The following PJA2 variants were observed in gnomAD, a reference collection of about 807,000 sequenced individuals.
The protein encoded by PJA2 is praja ring finger ubiquitin ligase 2.
Under a neutral mutation model 69.3 loss-of-function variants are expected in PJA2, and 25 were observed. The ratio of observed to expected loss-of-function variants is 0.36; its 90% CI spans 0.26 to 0.50. PJA2 has a LOEUF of 0.50. Among genes scored for constraint, PJA2 ranks in the 20% least tolerant of loss-of-function variants. The probability of loss-of-function intolerance (pLI) is 0.96; values close to 1 mark genes in which losing one functional copy is unlikely to be tolerated. For missense variants in PJA2, 809 were observed against 830.2 expected (o/e 0.97, Z 0.31); for synonymous variants, 308 against 277.8 (o/e 1.11, Z -1.08).
In PJA2 at chr5:109,375,969, T is replaced by C. The variant is rs370153796; in HGVS notation, c.1283+2235A>G. 3.5e-4 allele frequency among the ~76,000 whole-genome samples: 53 copies of C among 152,320 alleles called. 1 individual carries two copies. The South Asian group carries it at 5.0e-3, about 14-fold the overall frequency. On this transcript the variant is annotated intron_variant, in intron 4 of 9. Coordinates refer to ENST00000361189, the MANE Select transcript of PJA2 (RefSeq NM_014819.5). The stretch of plus-strand genomic sequence containing the variant: ...AAATAGAATAATCTGTACAGAAAAC[T>C]GTACAGACACTTTGAGATCGTAAAA...
Position 109,378,621 on chromosome 5 carries a change from C to T in PJA2, c.866G>A (p.Gly289Asp), listed in dbSNP as rs866537162. ...TEHSPEDAAC[G>D]PGHICSEQNT... ...TTGTTCACTACAAATATGCCCTGGA[C>T]CACAGGCTGCATCTTCAGGTGAATG... Residue 289 changes from glycine to aspartate, a missense_variant, in exon 4 of 10, where the codon GGT becomes GAT. This residue lies in a region of PJA2 where 700 missense variants were observed against 639.5 expected (regional missense o/e 1.09). Coordinates refer to ENST00000361189, the MANE Select transcript of PJA2 (RefSeq NM_014819.5). The T allele has an allele frequency of 1.9e-6, 3 of 1,614,046 alleles. No individual in the cohort carries two copies. The African/African-American group carries it at 4.0e-5, about 22-fold the overall frequency.
At chr5:109,388,343 G>T (rs1747205114) in intron 1 of PJA2, among the ~76,000 whole-genome samples, 1 of 152,158 alleles carries the variant, frequency 6.6e-6, no homozygotes, top group African/African-American at 2.4e-5. Context: ...GATGACTGCA[G>T]TCCCAGCCTA....
intron 7 of PJA2, among the ~76,000 whole-genome samples, chr5:109,354,490 CTATAATATCATAGATATCTATATCGAT>C (rs1762369714): frequency 8.6e-6 from 1 of 116,492 alleles, no homozygotes. Context: ...GATTAGATAT[CTATAATATCATAGATATCTATATCGAT>C]ATTAGATATC....
intron 9 of PJA2, 48 bp from the exon 10 acceptor site, chr5:109,337,404 C>T (rs746413430): frequency 2.6e-6 from 4 of 1,524,246 alleles, no homozygotes; most frequent in Admixed American, 4.4e-5. Context: ...TCTTAACTGC[C>T]ACACAAGTAA....
intron 9 of PJA2, among the ~76,000 whole-genome samples, chr5:109,342,719 C>A (rs1391016408): frequency 7.5e-6 from 1 of 133,356 alleles, no homozygotes; most frequent in Non-Finnish European, 1.6e-5. Flanking sequence ...TCAGCCCCCC[C>A]GCCCGGCCAG....
At chr5:109,394,825 A>G (rs902576689) in intron 1 of PJA2, among the ~76,000 whole-genome samples, 2 of 152,226 alleles carry the variant, frequency 1.3e-5, no homozygotes, top group Admixed American at 6.5e-5. Context: ...CAACTTCTCA[A>G]TTTCTGTTTC....
chr5:109,403,493 G>A, intron 1 of PJA2, among the ~76,000 whole-genome samples: 1 of 149,476 alleles, frequency 6.7e-6, no homozygotes. Flanking sequence ...AAAAATATAA[G>A]AAACACTTTG....
chr5:109,345,691 GGCTACTAGAA>G (rs1056684983), intron 7 of PJA2, among the ~76,000 whole-genome samples: 2 of 152,062 alleles, frequency 1.3e-5, no homozygotes, highest in Non-Finnish European at 2.9e-5. Flanking sequence ...ATGTGGCTGA[GGCTACTAGAA>G]GCTCCAGGTA....
chr5:109,384,193 T>A (rs1424851445), intron 1 of PJA2, among the ~76,000 whole-genome samples: 2 of 152,202 alleles, frequency 1.3e-5, no homozygotes, highest in African/African-American at 2.4e-5. Flanking sequence ...TGCTTCTCTG[T>A]CAAGCAGTAA....
intron 2 of PJA2, 61 bp downstream of exon 2, chr5:109,383,342 C>T (rs1468698039): frequency 4.0e-6 from 6 of 1,482,648 alleles, no homozygotes; most frequent in African/African-American, 1.4e-5. Flanking sequence ...CTTACTGGTA[C>T]TCAAGGTACC....
chr5:109,407,966 T>G (rs1313895156), intron 1 of PJA2, among the ~76,000 whole-genome samples: 2 of 152,162 alleles, frequency 1.3e-5, no homozygotes, highest in Non-Finnish European at 2.9e-5. Flanking sequence ...TAGCTAAGGA[T>G]TTTTAGTTCA....
chr5:109,381,360 A>G, intron 3 of PJA2, 143 bp downstream of exon 3: 1 of 622,792 alleles, frequency 1.6e-6, no homozygotes, highest in South Asian at 2.2e-5. Context: ...TAAATTCAAT[A>G]AGAATTTCAA....
chr5:109,382,382 T>G (rs1222744123), intron 2 of PJA2, among the ~76,000 whole-genome samples: 1 of 152,218 alleles, frequency 6.6e-6, no homozygotes, highest in Non-Finnish European at 1.5e-5. Flanking sequence ...ACAATTAAGT[T>G]TTGTTGACTG....
intron 6 of PJA2, among the ~76,000 whole-genome samples, chr5:109,359,831 A>G (rs1037908501): frequency 4.6e-5 from 7 of 152,362 alleles, no homozygotes; most frequent in Admixed American, 6.5e-5. Context: ...TTGTATCAGC[A>G]TTAATTTGCT....
chr5:109,396,000 CAA>C (rs368922382), intron 1 of PJA2, among the ~76,000 whole-genome samples: 8 of 107,922 alleles, frequency 7.4e-5, no homozygotes, highest in African/African-American at 9.1e-5. Flanking sequence ...AACTCTATCT[CAA>C]AAAAAAAAAA....
At chr5:109,405,960 GTGTT>G (rs1747679792) in intron 1 of PJA2, among the ~76,000 whole-genome samples, 1 of 150,722 alleles carries the variant, frequency 6.6e-6, no homozygotes, top group Admixed American at 6.6e-5. Context: ...GTGTGTGTGT[GTGTT>G]TATGTATCTC....
At chr5:109,381,918 C>T (rs992236028) in intron 2 of PJA2, among the ~76,000 whole-genome samples, 1 of 151,952 alleles carries the variant, frequency 6.6e-6, no homozygotes, top group African/African-American at 2.4e-5. Context: ...GGCCTTTTCC[C>T]TTCAAAAAAT....
chr5:109,377,763 G>T (rs1450181781), intron 4 of PJA2, among the ~76,000 whole-genome samples: 1 of 152,104 alleles, frequency 6.6e-6, no homozygotes, highest in Non-Finnish European at 1.5e-5. Flanking sequence ...AAGAGCCACA[G>T]GAAGAACAGA....
chr5:109,342,118 C>A (rs1762078743), intron 9 of PJA2, among the ~76,000 whole-genome samples: 1 of 131,824 alleles, frequency 7.6e-6, no homozygotes, highest in East Asian at 2.2e-4. Flanking sequence ...GGCCCCCCGC[C>A]CGGCCAGCCG....
Sources: allele counts gnomAD v4.1 joint callset (sites outside exome capture counted in the v4.1 genomes callset), GRCh38; gene constraint gnomAD v4.1.1; regional missense constraint gnomAD v4.1.1; transcripts MANE v1.5; gene names NCBI Gene and HGNC (gene_info 2026-07-23, HGNC 2026-07-21).